Variants in ATXN2 observed in about 807,000 individuals in gnomAD.
The protein encoded by ATXN2 is ataxin 2, also known as ataxin-2.
Under a neutral mutation model 138.6 loss-of-function variants are expected in ATXN2, and 37 were observed. That is an observed-to-expected ratio of 0.27 (90% CI 0.21 to 0.35). The LOEUF is 0.35. Among genes scored for constraint, ATXN2 ranks in the 10% least tolerant of loss-of-function variants. The probability of loss-of-function intolerance (pLI) is 1.00; values close to 1 mark genes in which losing one functional copy is unlikely to be tolerated. For synonymous variants in ATXN2, 549 were observed against 543.7 expected, an observed-to-expected ratio of 1.01 and a Z score of -0.13; for missense variants, 1,216 against 1,480.3, an observed-to-expected ratio of 0.82 and a Z score of 2.93.
At chr12:111,531,431 AAAAT>A (rs971104395) in intron 5 of ATXN2, among the ~76,000 whole-genome samples, 31 of 152,356 alleles carry the variant, frequency 2.0e-4, no homozygotes, top group African/African-American at 6.7e-4. Flanking sequence ...TCCGTCTCAA[AAAAT>A]AAATAAATAA....
At chr12:111,538,020 C>T (rs770531981) in intron 5 of ATXN2, among the ~76,000 whole-genome samples, 5 of 151,420 alleles carry the variant, frequency 3.3e-5, no homozygotes, top group Non-Finnish European at 7.4e-5. Flanking sequence ...CACCTGAACC[C>T]ATGAGTTTGA....
intron 2 of ATXN2, 135 bp from the exon 3 acceptor site, chr12:111,554,352 T>C (rs1337578000): frequency 1.9e-6 from 1 of 513,370 alleles, no homozygotes; most frequent in East Asian, 3.5e-5. Context: ...TTATACTTAG[T>C]GCTTGAACAT....
rs976160988 is a variant in ATXN2 at position 111,453,270 on chromosome 12, CT to C, written c.3439+406del. ...ACTCAAAGCCAGTCCATCCACAGCG[CT>C]TTCTCAGCAGTATCTTCTCCAGAGC... On this transcript the variant is annotated intron_variant, in intron 24 of 24. Coordinates refer to ENST00000673436, the MANE Select transcript of ATXN2 (RefSeq NM_001372574.1). This position sits in a 1 kb window ranked among gnomAD's most constrained non-coding sequence, Gnocchi z 5.4. 15 of 1,060,654 alleles carry C rather than the reference CT, an allele frequency of 1.4e-5. No individual in the cohort carries two copies. The African/African-American group carries it at 2.2e-4, about 15-fold the overall frequency. The allele number at this position is 1,060,654 out of a possible 1,614,324, so 65.7% of individuals were successfully genotyped here.
chr12:111,560,313 A>G (rs1022731424), intron 1 of ATXN2, among the ~76,000 whole-genome samples: 7 of 152,248 alleles, frequency 4.6e-5, no homozygotes, highest in African/African-American at 1.7e-4. Flanking sequence ...TAAGTAATCT[A>G]GAAATGACAA....
chr12:111,513,431 G>A lies in ATXN2; in HGVS notation c.1484C>T (p.Pro495Leu), dbSNP rs145598979. The change falls in exon 11 of 25, where the codon CCC (proline) becomes CTC (leucine). Residue 495 changes from proline to leucine, a missense_variant. Coordinates refer to ENST00000673436, the MANE Select transcript of ATXN2 (RefSeq NM_001372574.1). The part of the protein sequence containing the change: ...SGLEFVSHNP[P>L]SEAATPPVAR... Reference sequence around the variant, plus strand: ...TACTGGAGGAGTAGCTGCTTCACTGGGTGGGTTGTGGGATACAAATTCTAG... The same window carrying A: ...TACTGGAGGAGTAGCTGCTTCACTGAGTGGGTTGTGGGATACAAATTCTAG... The A allele has an allele frequency of 1.9e-6, 3 of 1,613,932 alleles. No individual in the cohort carries two copies. The highest frequency in any genetic ancestry group is 2.2e-5 in the East Asian group (1 of 44,862).
intron 20 of ATXN2, 73 bp downstream of exon 20, chr12:111,470,035 T>G: frequency 1.4e-6 from 2 of 1,474,774 alleles, no homozygotes; most frequent in Non-Finnish European, 1.8e-6. Context: ...TATTCTTAGA[T>G]AGAGTATGTT....
intron 1 of ATXN2, among the ~76,000 whole-genome samples, chr12:111,588,306 T>C (rs187671685): frequency 2.6e-5 from 4 of 152,280 alleles, no homozygotes; most frequent in South Asian, 2.1e-4. Context: ...TAAATGTTAA[T>C]GAGAATTTCA....
At chr12:111,542,939 G>A (rs561131254) in intron 5 of ATXN2, among the ~76,000 whole-genome samples, 2 of 152,190 alleles carry the variant, frequency 1.3e-5, no homozygotes, top group South Asian at 4.1e-4. Flanking sequence ...ACATGATAGG[G>A]TAGAGAATTT....
chr12:111,541,322 G>A (rs1437772195), intron 5 of ATXN2, among the ~76,000 whole-genome samples: 1 of 144,700 alleles, frequency 6.9e-6, no homozygotes, highest in African/African-American at 2.5e-5. Flanking sequence ...TGCTCCATAC[G>A]TAGCCACTGT....
At chr12:111,510,608 T>C in intron 11 of ATXN2, 26 bp from the exon 12 acceptor site, 1 of 1,558,620 alleles carries the variant, frequency 6.4e-7, no homozygotes. Context: ...AATGTATTTA[T>C]TACATTCTCA....
intron 21 of ATXN2, chr12:111,458,368 T>TC (rs1313062713): frequency 6.6e-6 from 1 of 152,274 alleles, no homozygotes; most frequent in Non-Finnish European, 1.5e-5. Context: ...CCTCAAATGA[T>TC]CCGCCCACTT....
chr12:111,493,089 G>C (rs1878150076), intron 14 of ATXN2, among the ~76,000 whole-genome samples: 1 of 152,052 alleles, frequency 6.6e-6, no homozygotes, highest in Non-Finnish European at 1.5e-5. Flanking sequence ...TCAAGCAGCA[G>C]AAAACATTAG....
At chr12:111,524,657 C>A (rs1199194005) in intron 6 of ATXN2, among the ~76,000 whole-genome samples, 1 of 152,036 alleles carries the variant, frequency 6.6e-6, no homozygotes, top group Admixed American at 6.6e-5. Flanking sequence ...TGACAAGAGG[C>A]GTTTTAGAAA....
rs750196852 is a variant in ATXN2 at position 111,486,843 on chromosome 12, C to T, written c.2241-19G>A. On this transcript the variant is annotated intron_variant, in intron 15 of 24. Coordinates refer to ENST00000673436, the MANE Select transcript of ATXN2 (RefSeq NM_001372574.1). ...AACTTGCCTAAAAAAAATATAAAGGCCAGTGAAATCTACATGGACTTTACG... is the reference window on the plus strand; with the variant it reads ...AACTTGCCTAAAAAAAATATAAAGGTCAGTGAAATCTACATGGACTTTACG... 7 of 1,599,282 alleles carry T rather than the reference C, an allele frequency of 4.4e-6. No individual in the cohort carries two copies. The highest frequency in any genetic ancestry group is 1.1e-5 in the South Asian group (1 of 90,412).
At chr12:111,461,740 T>G (rs1396731148) in intron 21 of ATXN2, among the ~76,000 whole-genome samples, 1 of 151,404 alleles carries the variant, frequency 6.6e-6, no homozygotes, top group Non-Finnish European at 1.5e-5. Context: ...GCCAAGATGG[T>G]GAAACCCTGT....
At chr12:111,597,707 A>G in intron 1 of ATXN2, 1 of 561,748 alleles carries the variant, frequency 1.8e-6, no homozygotes, top group Non-Finnish European at 3.1e-6. Context: ...CCCCTACTAC[A>G]ACCCCGGCTT....
upstream of ATXN2, chr12:111,599,562 A>G (rs1162719056): frequency 1.4e-5 from 16 of 1,159,746 alleles, no homozygotes; most frequent in Non-Finnish European, 1.7e-5. Flanking sequence ...AGGTGCGGAT[A>G]GGGACTCTTT....
chr12:111,538,545 G>A (rs1451914631), intron 5 of ATXN2, among the ~76,000 whole-genome samples: 1 of 133,660 alleles, frequency 7.5e-6, no homozygotes, highest in East Asian at 1.9e-4. Flanking sequence ...TAGAAACGGG[G>A]TTCCACCATA....
intron 5 of ATXN2, among the ~76,000 whole-genome samples, chr12:111,540,365 T>A (rs1038372961): frequency 6.6e-6 from 1 of 150,590 alleles, no homozygotes; most frequent in South Asian, 2.1e-4. Flanking sequence ...CTTTACCTAA[T>A]AGAGAGTTTA....
Sources: gnomAD v4.1 joint callset for allele counts (sites outside exome capture counted in the v4.1 genomes callset) on GRCh38, gnomAD v4.1.1 for gene constraint, Gnocchi (gnomAD v3.1) non-coding constraint, MANE v1.5 for transcripts, NCBI Gene and HGNC (gene_info 2026-07-23, HGNC 2026-07-21) for gene names.